Variants in ADGRL3 observed in about 807,000 individuals in gnomAD.
ADGRL3 encodes the protein adhesion G protein-coupled receptor L3, also known as calcium-independent alpha-latrotoxin receptor 3.
In ADGRL3, 62 loss-of-function variants were observed where a neutral mutation model predicts 153.5. The ratio of observed to expected loss-of-function variants is 0.40; its 90% CI spans 0.33 to 0.50. ADGRL3 has a LOEUF of 0.50. ADGRL3 is among the 20% of genes least tolerant of loss of function. The pLI, the probability that ADGRL3 is intolerant of heterozygous loss-of-function variation, is 0.47. For missense variants in ADGRL3, 1,641 were observed against 1,859.4 expected (o/e 0.88, Z 2.16); for synonymous variants, 710 against 672.5 (o/e 1.06, Z -0.86).
At chr4:61,228,229 A>T (rs1034545280) in intron 1 of ADGRL3, among the ~76,000 whole-genome samples, 1 of 152,226 alleles carries the variant, frequency 6.6e-6, no homozygotes, top group African/African-American at 2.4e-5. Context: ...TGATGCTATG[A>T]GAATGATGAT....
At chr4:61,284,665 T>C (rs2093860369) in intron 1 of ADGRL3, among the ~76,000 whole-genome samples, 1 of 151,898 alleles carries the variant, frequency 6.6e-6, no homozygotes. Context: ...AAGTATGGTT[T>C]AAATTTTTAT....
At chr4:61,243,175 T>G (rs550999948) in intron 1 of ADGRL3, among the ~76,000 whole-genome samples, 1 of 152,126 alleles carries the variant, frequency 6.6e-6, no homozygotes, top group Non-Finnish European at 1.5e-5. Flanking sequence ...TAGTATAGGG[T>G]TTTCAATTTC....
At chr4:61,497,515 CTTTT>C (rs5858707) in intron 3 of ADGRL3, among the ~76,000 whole-genome samples, 167 bp downstream of exon 3, 15 of 95,332 alleles carry the variant, frequency 1.6e-4, no homozygotes, top group Non-Finnish European at 2.5e-4. Flanking sequence ...CTTTTCTTTT[CTTTT>C]TTTTTTTTTT....
chr4:61,360,299 A>C (rs899145678), intron 1 of ADGRL3, among the ~76,000 whole-genome samples: 1 of 152,182 alleles, frequency 6.6e-6, no homozygotes, highest in Non-Finnish European at 1.5e-5. Flanking sequence ...TGTTAGAGGT[A>C]GGGGAACTAA....
At chr4:61,567,433 T>G (rs1035504200) in intron 4 of ADGRL3, among the ~76,000 whole-genome samples, 1 of 152,152 alleles carries the variant, frequency 6.6e-6, no homozygotes. Flanking sequence ...AGAGCCCTGA[T>G]AAGTTGGATT....
intron 9 of ADGRL3, among the ~76,000 whole-genome samples, chr4:61,872,918 C>T (rs1035590818): frequency 3.3e-5 from 5 of 152,040 alleles, no homozygotes; most frequent in African/African-American, 1.2e-4. Flanking sequence ...ACCTATTTAT[C>T]GACCAATAAA....
chr4:61,938,632 C>T (rs1391743108), intron 15 of ADGRL3, among the ~76,000 whole-genome samples: 1 of 151,974 alleles, frequency 6.6e-6, no homozygotes, highest in Non-Finnish European at 1.5e-5. Context: ...ACTGTGCTGC[C>T]GCTGCTGCTG....
At chr4:61,640,713 G>A (rs1049998334) in intron 5 of ADGRL3, among the ~76,000 whole-genome samples, 2 of 152,120 alleles carry the variant, frequency 1.3e-5, no homozygotes, top group African/African-American at 4.8e-5. Flanking sequence ...ACTTCCACCT[G>A]ACAGTGCTAA....
At chr4:61,672,148 T>A (rs1427180544) in intron 5 of ADGRL3, among the ~76,000 whole-genome samples, 4 of 152,112 alleles carry the variant, frequency 2.6e-5, no homozygotes, top group Non-Finnish European at 5.9e-5. Flanking sequence ...TTAAGAAGGT[T>A]TTTACCTATG....
intron 1 of ADGRL3, among the ~76,000 whole-genome samples, chr4:61,300,570 C>T (rs566870466): frequency 6.6e-6 from 1 of 152,096 alleles, no homozygotes; most frequent in East Asian, 1.9e-4. Flanking sequence ...AAGAAATGCT[C>T]AGAAAATTAT....
At chr4:62,063,976 G>A (rs1741596758) in intron 25 of ADGRL3, among the ~76,000 whole-genome samples, 1 of 151,718 alleles carries the variant, frequency 6.6e-6, no homozygotes. Context: ...ATTTTCTTCA[G>A]GTAAGTAATA....
intron 13 of ADGRL3, among the ~76,000 whole-genome samples, chr4:61,923,132 A>G (rs2098777917): frequency 6.6e-6 from 1 of 152,172 alleles, no homozygotes. Flanking sequence ...TGCCTGAAGC[A>G]GTGGGTTGAG....
intron 2 of ADGRL3, among the ~76,000 whole-genome samples, chr4:61,466,054 G>A (rs889168498): frequency 3.3e-5 from 5 of 151,726 alleles, no homozygotes; most frequent in South Asian, 2.1e-4. Flanking sequence ...CTCGGGAGGC[G>A]GATGTTGCAG....
intron 5 of ADGRL3, among the ~76,000 whole-genome samples, chr4:61,590,943 A>G (rs1379399121): frequency 1.3e-5 from 2 of 152,156 alleles, no homozygotes; most frequent in Non-Finnish European, 2.9e-5. Flanking sequence ...TGGACGTTTT[A>G]TTGATGTATA....
chr4:61,871,192 G>A (rs2098443095), intron 9 of ADGRL3, among the ~76,000 whole-genome samples: 1 of 151,822 alleles, frequency 6.6e-6, no homozygotes, highest in Non-Finnish European at 1.5e-5. Context: ...GCAGGAGAAT[G>A]GCGTGAACCC....
rs6821127 is a variant in ADGRL3 at position 62,065,876 on chromosome 4, T to G, written c.3815-2290T>G. Among the ~76,000 whole-genome samples, 944 of 152,162 alleles carry G rather than the reference T, an allele frequency of 6.2e-3. 15 individuals carry two copies. The highest frequency in any genetic ancestry group is 0.021 in the African/African-American group (893 of 41,574). ...ACAATGTAAGAATTTTAAATAATACTGTATTGATACAAATTTTTATTCTTG... is the reference window on the plus strand; with the variant it reads ...ACAATGTAAGAATTTTAAATAATACGGTATTGATACAAATTTTTATTCTTG... On this transcript the variant is annotated intron_variant, in intron 25 of 26. Transcript: ENST00000683033.
chr4:62,072,301 G>A lies in ADGRL3; in HGVS notation c.*1393G>A, dbSNP rs2151941254. On this transcript the variant is annotated 3_prime_UTR_variant, in exon 27 of 27. Transcript: ENST00000683033. ...TTTGAGTAATGTAGGAATACAAAAG[G>A]TAAATTAGCAGCACATATAATTTTT... 6.6e-6 allele frequency: 1 copy of A among 152,566 alleles called. No homozygotes were observed. 9.5% of individuals were successfully genotyped at this position (152,566 alleles called of 1,614,324 possible). A position where few individuals can be genotyped will look rare whatever the true frequency, so the allele number is the denominator to read the frequency against.
At chr4:61,914,920 T>C (rs1358342377) in intron 13 of ADGRL3, among the ~76,000 whole-genome samples, 1 of 152,122 alleles carries the variant, frequency 6.6e-6, no homozygotes, top group Non-Finnish European at 1.5e-5. Flanking sequence ...TCTCATCAAT[T>C]CTTATTACTT....
At position 62,072,969 on chromosome 4, in the gene ADGRL3, A is replaced by C. The variant is rs1746140592; in HGVS notation, c.*2061A>C. 1 of 152,170 alleles carries C rather than the reference A, an allele frequency of 6.6e-6. No individual in the cohort carries two copies. The highest frequency in any genetic ancestry group is 2.4e-5 in the African/African-American group (1 of 41,460). The allele number at this position is 152,170 out of a possible 1,614,324, so 9.4% of individuals were successfully genotyped here. A position where few individuals can be genotyped will look rare whatever the true frequency, so the allele number is the denominator to read the frequency against. The stretch of plus-strand genomic sequence containing the variant: ...TATATGAGGGAAATCGGAAAAGATA[A>C]AGAAGTTCTTTCAAAGAAACTTTCT... On this transcript the variant is annotated 3_prime_UTR_variant, in exon 27 of 27. Coordinates refer to ENST00000683033, the MANE Select transcript of ADGRL3 (RefSeq NM_001387552.1).
Sources: gnomAD v4.1 joint callset for allele counts (sites outside exome capture counted in the v4.1 genomes callset) on GRCh38, gnomAD v4.1.1 for gene constraint, MANE v1.5 for transcripts, NCBI Gene and HGNC (gene_info 2026-07-23, HGNC 2026-07-21) for gene names.